CEBPZ: variants seen among roughly 807,000 people sequenced by gnomAD.
The protein encoded by CEBPZ is CCAAT enhancer binding protein zeta, also known as CCAAT/enhancer-binding protein zeta.
A neutral mutation model predicts 104.5 loss-of-function variants in CEBPZ; 78 were observed. The observed-to-expected ratio is 0.75, with a 90% CI of 0.62 to 0.90. The LOEUF (loss-of-function observed/expected upper bound fraction) is 0.90. Among genes scored for constraint, CEBPZ ranks in the 40% least tolerant of loss-of-function variants. The pLI is 0.00. For missense variants in CEBPZ, 1,439 were observed against 1,233.5 expected (o/e 1.17, Z -2.50); for synonymous variants, 470 against 427.0 (o/e 1.10, Z -1.24).
At chr2:37,214,643 G>A (rs948337017) in intron 9 of CEBPZ, among the ~76,000 whole-genome samples, 10 of 151,946 alleles carry the variant, frequency 6.6e-5, no homozygotes, top group South Asian at 2.1e-4. Context: ...GCAAAATGAC[G>A]GATTTGTAAA....
chr2:37,227,498 A>G, intron 2 of CEBPZ, 46 bp downstream of exon 2: 3 of 1,541,610 alleles, frequency 1.9e-6, no homozygotes, highest in East Asian at 2.3e-5. Context: ...GCTGTACTAC[A>G]TCAAGTTATT....
chr2:37,215,887 G>C (rs1017812417), intron 8 of CEBPZ, among the ~76,000 whole-genome samples: 1 of 151,750 alleles, frequency 6.6e-6, no homozygotes, highest in African/African-American at 2.4e-5. Context: ...GATGGTAATG[G>C]GGAGGGGGTT....
rs74542501 is a variant in CEBPZ, at chr2:37,206,603, G to A, written c.2885-3595C>T. Among the ~76,000 whole-genome samples the A allele has an allele frequency of 3.6e-3, 546 of 152,228 alleles. 4 individuals are homozygous for A. The highest frequency in any genetic ancestry group is 0.012 in the African/African-American group (515 of 41,540). On this transcript the variant is annotated intron_variant, in intron 13 of 15. Transcript: ENST00000234170. ...GAACTCCTGACTTCAGGTGATGCCC[G>A]CCTGGGCCTCCCGAAGTGCTGGGAT...
chr2:37,216,283 G>C (rs1298848135), intron 7 of CEBPZ, 33 bp downstream of exon 7: 2 of 1,605,548 alleles, frequency 1.2e-6, no homozygotes, highest in Non-Finnish European at 1.7e-6. Context: ...TATTAAAAAT[G>C]AAAGCCAAAT....
chr2:37,227,418 C>T, intron 2 of CEBPZ, 126 bp downstream of exon 2: 1 of 759,106 alleles, frequency 1.3e-6, no homozygotes, highest in South Asian at 2.4e-5. Context: ...TGGCGAGTAG[C>T]AAGCTGCTGA....
At chr2:37,229,481 C>T (rs953450654) in intron 1 of CEBPZ, among the ~76,000 whole-genome samples, 50 of 152,278 alleles carry the variant, frequency 3.3e-4, no homozygotes, top group African/African-American at 1.2e-3. Flanking sequence ...ATTAAAACCA[C>T]AATGATACAT....
intron 1 of CEBPZ, among the ~76,000 whole-genome samples, chr2:37,230,910 CTTGTT>C (rs985908382): frequency 2.0e-5 from 3 of 152,150 alleles, no homozygotes; most frequent in Non-Finnish European, 4.4e-5. Context: ...ATCGTCCTTC[CTTGTT>C]TTATTTTCTT....
Position 37,222,521 on chromosome 2 carries a change from C to A in CEBPZ, c.1924G>T (p.Glu642Ter). Residue 642 changes from glutamate (E) to a stop codon, truncating the protein, a stop_gained, in exon 4 of 16, where the codon GAA becomes TAA. Coordinates refer to ENST00000234170, the MANE Select transcript of CEBPZ (RefSeq NM_005760.3). LOFTEE classifies it high-confidence loss of function. ...EENFIDANDD[E>*]DMEKFTDADK... ...GCATCAGTGAATTTTTCCATGTCTTCATCATCATTTGCATCAATAAAATTT... is the reference window on the plus strand; with the variant it reads ...GCATCAGTGAATTTTTCCATGTCTTAATCATCATTTGCATCAATAAAATTT... The A allele has an allele frequency of 6.2e-7, 1 of 1,601,122 alleles. No homozygotes were observed. Among genetic ancestry groups the A allele is most frequent in the East Asian group, 2.2e-5 (1 of 44,566 alleles).
chr2:37,221,401 A>G (rs1339897181), intron 4 of CEBPZ, among the ~76,000 whole-genome samples: 1 of 152,216 alleles, frequency 6.6e-6, no homozygotes, highest in Non-Finnish European at 1.5e-5. Flanking sequence ...TTTGGGGCCA[A>G]AGAGGTGGAA....
Position 37,203,022 on chromosome 2 carries a change from T to G in CEBPZ, c.2885-14A>C, listed in dbSNP as rs1363074832. On this transcript the variant is annotated splice_polypyrimidine_tract_variant and intron_variant, in intron 13 of 15. Transcript: ENST00000234170. ...TTTTTCTTGGCCCTAAAAAAAATTG[T>G]AAGTCTACATTATTCAATTATAAAT... 2.0e-6 allele frequency: 3 copies of G among 1,488,650 alleles called. No homozygotes were observed. In the Admixed American group the frequency reaches 6.7e-5, roughly 33 times the overall value. The allele number at this position is 1,488,650 out of a possible 1,614,324, so 92.2% of individuals were successfully genotyped here.
At chr2:37,226,469 C>G (rs1011516977) in intron 2 of CEBPZ, among the ~76,000 whole-genome samples, 3 of 152,204 alleles carry the variant, frequency 2.0e-5, no homozygotes, top group African/African-American at 7.2e-5. Context: ...AGCCCCAGTT[C>G]TGTCATTTAC....
intron 13 of CEBPZ, chr2:37,203,730 A>T (rs1219375639): frequency 6.6e-6 from 1 of 152,140 alleles, no homozygotes; most frequent in African/African-American, 2.4e-5. Context: ...TAGTCCTCCA[A>T]CCCATCTCCG....
At chr2:37,226,966 CTTTG>C (rs1302498772) in intron 2 of CEBPZ, among the ~76,000 whole-genome samples, 6 of 152,094 alleles carry the variant, frequency 3.9e-5, no homozygotes, top group East Asian at 1.9e-4. Flanking sequence ...ACTTAACATA[CTTTG>C]TTTACCACCG....
chr2:37,208,039 G>T (rs1432911487), intron 13 of CEBPZ, among the ~76,000 whole-genome samples: 1 of 151,960 alleles, frequency 6.6e-6, no homozygotes, highest in Non-Finnish European at 1.5e-5. Context: ...ACAAAAACTA[G>T]AAAACCTAGA....
intron 13 of CEBPZ, chr2:37,204,641 GTATGTT>G (rs1219910953): frequency 6.6e-6 from 1 of 152,036 alleles, no homozygotes; most frequent in African/African-American, 2.4e-5. Flanking sequence ...TTTCTATAAG[GTATGTT>G]TATTCTTAAG....
Position 37,202,768 on chromosome 2 carries a change from A to C in CEBPZ, c.3025+16T>G, listed in dbSNP as rs777950264. 2 of 1,491,664 alleles carry C rather than the reference A, an allele frequency of 1.3e-6. No homozygotes were observed. Among genetic ancestry groups the C allele is most frequent in the Admixed American group, 4.2e-5 (2 of 47,106 alleles). The allele number at this position is 1,491,664 out of a possible 1,614,324, so 92.4% of individuals were successfully genotyped here. A position where few individuals can be genotyped will look rare whatever the true frequency, so the allele number is the denominator to read the frequency against. On this transcript the variant is annotated intron_variant, in intron 15 of 15. Coordinates refer to ENST00000234170, the MANE Select transcript of CEBPZ (RefSeq NM_005760.3). ...GCTATTTTTAAAACATCAATAAAAAAATTTAAGTTACTTACTTGCATTATC... is the reference window on the plus strand; with the variant it reads ...GCTATTTTTAAAACATCAATAAAAACATTTAAGTTACTTACTTGCATTATC...
intron 10 of CEBPZ, chr2:37,212,714 G>A (rs1286133833): frequency 2.3e-5 from 7 of 307,730 alleles, no homozygotes; most frequent in Non-Finnish European, 3.6e-5. Context: ...AACTACTTAA[G>A]TGCTCATTTT....
chr2:37,230,730 T>G (rs773897750), intron 1 of CEBPZ, among the ~76,000 whole-genome samples: 1 of 152,182 alleles, frequency 6.6e-6, no homozygotes, highest in Non-Finnish European at 1.5e-5. Context: ...ACACTGGCAT[T>G]TTGGCTGCTC....
At position 37,222,530 on chromosome 2, in the gene CEBPZ, T is replaced by G. The variant is rs778390644; in HGVS notation, c.1915A>C (p.Asn639His). The G allele has an allele frequency of 6.3e-7, 1 of 1,591,244 alleles. No individual in the cohort carries two copies. Among genetic ancestry groups the G allele is most frequent in the Non-Finnish European group, 8.5e-7 (1 of 1,174,184 alleles). Residue 639 changes from asparagine to histidine, a missense_variant, in exon 4 of 16, where the codon AAT becomes CAT. Physicochemically the swap from Asn to His is moderately conservative, Grantham distance 68. Coordinates refer to ENST00000234170, the MANE Select transcript of CEBPZ (RefSeq NM_005760.3). The part of the protein sequence containing the change: ...SDDEENFIDA[N>H]DDEDMEKFTD... Reference sequence around the variant, plus strand: ...AATTTTTCCATGTCTTCATCATCATTTGCATCAATAAAATTTTCTTCATCA... The same window carrying G: ...AATTTTTCCATGTCTTCATCATCATGTGCATCAATAAAATTTTCTTCATCA...
Sources: allele counts gnomAD v4.1 joint callset (sites outside exome capture counted in the v4.1 genomes callset), GRCh38; gene constraint gnomAD v4.1.1; transcripts MANE v1.5; gene names NCBI Gene and HGNC (gene_info 2026-07-23, HGNC 2026-07-21).